Variants in DNAJC10 observed in about 807,000 individuals in gnomAD.
The protein encoded by DNAJC10 is endoplasmic reticulum disulfide reductase DNAJC10.
A neutral mutation model predicts 115.0 loss-of-function variants in DNAJC10; 101 were observed. The observed-to-expected ratio is 0.88, with a 90% confidence interval of 0.75 to 1.04. The LOEUF is 1.04. Ranked by LOEUF, DNAJC10 falls within the 50% of genes least tolerant of loss-of-function variation. DNAJC10 has a pLI of 0.00. For synonymous variants in DNAJC10, 307 were observed against 301.5 expected (o/e 1.02, Z -0.19); for missense variants, 981 against 928.8 (o/e 1.06, Z -0.73).
In DNAJC10 at chr2:182,777,865, T is replaced by A. The variant is rs1352092816; in HGVS notation, c.*733T>A. 1 of 152,106 alleles carries A rather than the reference T, an allele frequency of 6.6e-6. No individual in the cohort carries two copies. The highest frequency in any genetic ancestry group is 6.6e-5 in the Admixed American group (1 of 15,250). The allele number at this position is 152,106 out of a possible 1,614,324, so 9.4% of individuals were successfully genotyped here. On this transcript the variant is annotated 3_prime_UTR_variant, in exon 24 of 24. Coordinates refer to ENST00000264065, the MANE Select transcript of DNAJC10 (RefSeq NM_018981.4). The stretch of plus-strand genomic sequence containing the variant: ...ATGTGCACACAGTAAGTACACAAAT[T>A]TGAGCAACAGTAAGTGCACAAATTC...
chr2:182,724,957 C>G (rs1558997473), intron 5 of DNAJC10, among the ~76,000 whole-genome samples: 2 of 152,048 alleles, frequency 1.3e-5, no homozygotes, highest in Admixed American at 1.3e-4. Flanking sequence ...AGATAATGCA[C>G]TTTTTTTTCC....
intron 23 of DNAJC10, among the ~76,000 whole-genome samples, chr2:182,776,237 A>G (rs1694702781): frequency 6.6e-6 from 1 of 152,178 alleles, no homozygotes; most frequent in East Asian, 1.9e-4. Context: ...GGAGCCTCAT[A>G]ACACGTTTTG....
At position 182,757,332 on chromosome 2, in the gene DNAJC10, A is replaced by T. The variant is rs77089921; in HGVS notation, c.1810-360A>T. On this transcript the variant is annotated intron_variant, in intron 18 of 23. Coordinates refer to ENST00000264065, the MANE Select transcript of DNAJC10 (RefSeq NM_018981.4). ...TTAAGTTCAGGTGTGAGTCAGTATA[A>T]CACATTAGACACCTACAAAGCTTGT... Among the ~76,000 whole-genome samples, 1,023 of 152,332 alleles carry T rather than the reference A, an allele frequency of 6.7e-3. 11 individuals are homozygous for T. The highest frequency in any genetic ancestry group is 0.024 in the African/African-American group (981 of 41,590).
intron 4 of DNAJC10, 102 bp from the exon 5 acceptor site, chr2:182,721,923 T>G: frequency 1.6e-6 from 1 of 627,788 alleles, no homozygotes; most frequent in Non-Finnish European, 2.7e-6. Flanking sequence ...TATAATATAG[T>G]AGTTTGATTT....
chr2:182,741,262 G>T lies in DNAJC10; in HGVS notation c.1097G>T (p.Arg366Leu). The part of the protein sequence containing the change: ...NTLEDRLAHH[R>L]WLLFFHFGKN... ...TTTAAGGATCGTTTGGCTCATCATC[G>T]GTGGCTGTTATTTTTTCATTTTGGA... Residue 366 changes from arginine to leucine, a missense_variant, in exon 13 of 24, where the codon CGG becomes CTG. Transcript: ENST00000264065. 1.2e-6 allele frequency: 2 copies of T among 1,600,340 alleles called. No homozygotes were observed. The highest frequency in any genetic ancestry group is 8.5e-7 in the Non-Finnish European group (1 of 1,174,640).
At chr2:182,774,021 G>A (rs200238802) in intron 22 of DNAJC10, among the ~76,000 whole-genome samples, 1 of 152,334 alleles carries the variant, frequency 6.6e-6, no homozygotes, top group African/African-American at 2.4e-5. Context: ...TTTTGGTGTA[G>A]ATGACCTTTT....
chr2:182,767,718 G>C (rs1363035444), intron 22 of DNAJC10, among the ~76,000 whole-genome samples: 5 of 152,190 alleles, frequency 3.3e-5, no homozygotes, highest in Non-Finnish European at 5.9e-5. Context: ...AGCATCATCC[G>C]TCCACCAAGT....
intron 21 of DNAJC10, 66 bp from the exon 22 acceptor site, chr2:182,762,616 T>C: frequency 6.6e-7 from 1 of 1,526,622 alleles, no homozygotes; most frequent in Non-Finnish European, 9.0e-7. Flanking sequence ...TATATCCTAT[T>C]GCTTTGTTGT....
At chr2:182,762,177 A>AGC (rs1277750908) in intron 21 of DNAJC10, among the ~76,000 whole-genome samples, 2 of 149,642 alleles carry the variant, frequency 1.3e-5, no homozygotes, top group African/African-American at 4.9e-5. Context: ...AAAAAGAGAG[A>AGC]GAGCGTGAGA....
At chr2:182,740,170 G>T (rs999046904) in intron 11 of DNAJC10, 129 bp from the exon 12 acceptor site, 1 of 1,165,014 alleles carries the variant, frequency 8.6e-7, no homozygotes, top group South Asian at 2.8e-5. Flanking sequence ...ATTTGGAATT[G>T]TTTGAAAAAC....
chr2:182,753,573 A>C (rs1406181437), intron 16 of DNAJC10, among the ~76,000 whole-genome samples: 1 of 117,736 alleles, frequency 8.5e-6, no homozygotes, highest in Non-Finnish European at 1.8e-5. Flanking sequence ...TAATTTCTTT[A>C]GTTTAGTTTT....
intron 12 of DNAJC10, 140 bp from the exon 13 acceptor site, chr2:182,741,103 G>C (rs957108477): frequency 5.0e-6 from 3 of 600,684 alleles, no homozygotes; most frequent in Admixed American, 3.6e-5. Context: ...CAAAATAAGA[G>C]AATGAGTGGG....
chr2:182,719,716 T>A lies in DNAJC10; in HGVS notation c.205-291T>A, dbSNP rs1693096725. Reference sequence around the variant, plus strand: ...TTTCAACAGGCTTATTATTTTCAGCTGCATTTTTTAGGAAGAATAACTCAT... The same window carrying A: ...TTTCAACAGGCTTATTATTTTCAGCAGCATTTTTTAGGAAGAATAACTCAT... On this transcript the variant is annotated intron_variant, in intron 3 of 23. Transcript: ENST00000264065. 2.0e-5 allele frequency among the ~76,000 whole-genome samples: 3 copies of A among 152,014 alleles called. No individual in the cohort carries two copies. The South Asian group carries it at 6.2e-4, about 32-fold the overall frequency.
In DNAJC10 at chr2:182,779,362, C is replaced by CAGCTGACCCTCTAACATGGTATCAATTCT; in HGVS notation, c.*2239_*2267dup. 1 of 152,276 alleles carries CAGCTGACCCTCTAACATGGTATCAATTCT rather than the reference C, an allele frequency of 6.6e-6. No homozygotes were observed. Among genetic ancestry groups the CAGCTGACCCTCTAACATGGTATCAATTCT allele is most frequent in the East Asian group, 1.9e-4 (1 of 5,174 alleles). The allele number at this position is 152,276 out of a possible 1,614,324, so 9.4% of individuals were successfully genotyped here. A position where few individuals can be genotyped will look rare whatever the true frequency, so the allele number is the denominator to read the frequency against. On this transcript the variant is annotated 3_prime_UTR_variant, in exon 24 of 24. Transcript: ENST00000264065. Reference sequence around the variant, plus strand: ...CTCTCAGCAACACCATTTTTGTGTGCAGCTGACCCTCTAACATGGTATCAA... The same window carrying CAGCTGACCCTCTAACATGGTATCAATTCT: ...CTCTCAGCAACACCATTTTTGTGTGCAGCTGACCCTCTAACATGGTATCAATTCTAGCTGACCCTCTAACATGGTATCAA...
chr2:182,744,572 C>T (rs1693815631), intron 14 of DNAJC10, among the ~76,000 whole-genome samples: 1 of 152,012 alleles, frequency 6.6e-6, no homozygotes. Context: ...GAAGTGAGAC[C>T]TCTAGGCTGG....
In DNAJC10 at chr2:182,739,597, T is replaced by G; in HGVS notation, c.988-702T>G. On this transcript the variant is annotated intron_variant, in intron 11 of 23. Coordinates refer to ENST00000264065, the MANE Select transcript of DNAJC10 (RefSeq NM_018981.4). ...AGAGAGAGAGAGTTATATGACAAAA[T>G]ATGCTGAGGATAAAATATTGACAAA... 2.5e-6 allele frequency: 3 copies of G among 1,191,884 alleles called. No individual in the cohort carries two copies. In the African/African-American group the frequency reaches 4.8e-5, roughly 19 times the overall value. 73.8% of individuals were successfully genotyped at this position (1,191,884 alleles called of 1,614,324 possible).
At chr2:182,749,104 G>A (rs1004661794) in intron 14 of DNAJC10, among the ~76,000 whole-genome samples, 9 of 152,052 alleles carry the variant, frequency 5.9e-5, no homozygotes, top group Non-Finnish European at 1.0e-4. Context: ...AATAGGTGTG[G>A]TGCAGTGCTG....
intron 13 of DNAJC10, among the ~76,000 whole-genome samples, chr2:182,742,815 A>T (rs72625276): frequency 0.012 from 1,793 of 149,978 alleles, 82 homozygotes; most frequent in East Asian, 0.093. Flanking sequence ...CTTTTTTCTG[A>T]TGGGATGTTT....
chr2:182,786,603 C>A lies in DNAJC10; in HGVS notation c.*9471C>A, dbSNP rs1694950904. The stretch of plus-strand genomic sequence containing the variant: ...TTCCCAAAGGAATAGACCTAGGTGA[C>A]CAACCAGCAGCACCTAGCTTTTGCC... On this transcript the variant is annotated 3_prime_UTR_variant, in exon 24 of 24. Coordinates refer to ENST00000264065, the MANE Select transcript of DNAJC10 (RefSeq NM_018981.4). 1 of 152,170 alleles carries A rather than the reference C, an allele frequency of 6.6e-6. No individual in the cohort carries two copies. Among genetic ancestry groups the A allele is most frequent in the Non-Finnish European group, 1.5e-5 (1 of 68,052 alleles). 9.4% of individuals were successfully genotyped at this position (152,170 alleles called of 1,614,324 possible).
Sources: allele counts gnomAD v4.1 joint callset (sites outside exome capture counted in the v4.1 genomes callset), GRCh38; gene constraint gnomAD v4.1.1; transcripts MANE v1.5; gene names NCBI Gene and HGNC (gene_info 2026-07-23, HGNC 2026-07-21).